Variants in OPCML observed in about 807,000 individuals in gnomAD.
OPCML encodes opioid binding protein/cell adhesion molecule like.
Under a neutral mutation model 37.8 loss-of-function variants are expected in OPCML, and 13 were observed. The ratio of observed to expected loss-of-function variants is 0.34; its 90% CI spans 0.22 to 0.55. The LOEUF (loss-of-function observed/expected upper bound fraction) is 0.55, where lower values mean the gene tolerates loss of function less well. OPCML is among the 20% of genes least tolerant of loss of function. OPCML has a pLI of 0.91. For missense variants in OPCML, 341 were observed against 435.6 expected (o/e 0.78, Z 1.93); for synonymous variants, 176 against 168.8 (o/e 1.04, Z -0.33).
chr11:132,446,618 A>G (rs2096056025), intron 4 of OPCML, among the ~76,000 whole-genome samples: 1 of 152,208 alleles, frequency 6.6e-6, no homozygotes. Context: ...GTTTAAGTAC[A>G]CTTGAAAAGT....
At chr11:133,119,276 C>T (rs1949384619) in intron 1 of OPCML, among the ~76,000 whole-genome samples, 1 of 152,066 alleles carries the variant, frequency 6.6e-6, no homozygotes, top group African/African-American at 2.4e-5. Flanking sequence ...GCCAAATTAT[C>T]TATATCACTT....
chr11:133,190,322 A>C (rs540940933), intron 1 of OPCML, among the ~76,000 whole-genome samples: 51 of 152,342 alleles, frequency 3.3e-4, no homozygotes, highest in African/African-American at 1.2e-3. Flanking sequence ...GGGACAAAAA[A>C]AGAGGAAGGG....
rs140831314 is a variant in OPCML at position 133,334,828 on chromosome 11, G to A, written c.61+197436C>T. On this transcript the variant is annotated intron_variant, in intron 1 of 7. Coordinates refer to ENST00000524381, the MANE Select transcript of OPCML (RefSeq NM_001012393.5). ...CAATCTTCTGGATCTCCATGGGAGAGGGTTTGTAGAGGCCATTGGCCAGTC... is the reference window on the plus strand; with the variant it reads ...CAATCTTCTGGATCTCCATGGGAGAAGGTTTGTAGAGGCCATTGGCCAGTC... Among the ~76,000 whole-genome samples, 523 of 152,222 alleles carry A rather than the reference G, an allele frequency of 3.4e-3. 3 individuals are homozygous for A. The highest frequency in any genetic ancestry group is 0.012 in the African/African-American group (497 of 41,526).
chr11:132,728,001 G>A (rs566128126), intron 2 of OPCML, among the ~76,000 whole-genome samples: 2 of 152,282 alleles, frequency 1.3e-5, no homozygotes, highest in East Asian at 1.9e-4. Flanking sequence ...TCCCTTCCAC[G>A]GCTAAGAGGG....
chr11:133,401,540 A>T (rs959571669), intron 1 of OPCML, among the ~76,000 whole-genome samples: 1 of 152,112 alleles, frequency 6.6e-6, no homozygotes, highest in Non-Finnish European at 1.5e-5. Flanking sequence ...TGGGTCTCAT[A>T]CCACATCTTC....
chr11:132,531,231 G>A (rs1591514321), intron 3 of OPCML, among the ~76,000 whole-genome samples: 1 of 152,148 alleles, frequency 6.6e-6, no homozygotes, highest in East Asian at 1.9e-4. Context: ...CCAAAACTAA[G>A]GGAGGTAAAG....
intron 1 of OPCML, chr11:133,026,487 A>C (rs889794407): frequency 1.0e-6 from 1 of 985,380 alleles, no homozygotes; most frequent in Non-Finnish European, 1.2e-6. Flanking sequence ...TCCTCCACGC[A>C]GTAGGTTTTG....
chr11:132,960,166 G>T (rs897132329), intron 1 of OPCML, among the ~76,000 whole-genome samples: 2 of 152,288 alleles, frequency 1.3e-5, no homozygotes, highest in South Asian at 2.1e-4. Context: ...AGCATATCCA[G>T]TTCTAAGGTA....
intron 1 of OPCML, among the ~76,000 whole-genome samples, chr11:132,990,760 T>C (rs1946759972): frequency 6.6e-6 from 1 of 152,248 alleles, no homozygotes; most frequent in African/African-American, 2.4e-5. Context: ...TTGTGTGACC[T>C]AGAGCAAGTA....
rs1941737570 is a variant in OPCML, at chr11:132,656,951, G to C, written c.379+136C>G. ...ACCCATTCGATGGGAAACATTCCAA[G>C]ACATATAGTCAAACTCTGAATTCAG... On this transcript the variant is annotated intron_variant, in intron 3 of 7. Coordinates refer to ENST00000524381, the MANE Select transcript of OPCML (RefSeq NM_001012393.5). 3.5e-6 allele frequency: 5 copies of C among 1,437,942 alleles called. No individual in the cohort carries two copies. The South Asian group carries it at 7.3e-5, about 21-fold the overall frequency. The allele number at this position is 1,437,942 out of a possible 1,614,324, so 89.1% of individuals were successfully genotyped here.
intron 2 of OPCML, among the ~76,000 whole-genome samples, chr11:132,813,538 A>AGGTTG (rs1419585472): frequency 6.6e-6 from 1 of 152,144 alleles, no homozygotes; most frequent in African/African-American, 2.4e-5. Context: ...TGCAGCAGCA[A>AGGTTG]CCTTCTCCTC....
chr11:132,937,215 C>A (rs911618847), intron 2 of OPCML, among the ~76,000 whole-genome samples: 2 of 152,098 alleles, frequency 1.3e-5, no homozygotes, highest in Non-Finnish European at 2.9e-5. Flanking sequence ...ACCGGCTCCC[C>A]AGCTCCCTCA....
intron 2 of OPCML, among the ~76,000 whole-genome samples, chr11:132,902,095 G>A (rs993939858): frequency 2.0e-5 from 3 of 152,258 alleles, no homozygotes; most frequent in Admixed American, 6.5e-5. Flanking sequence ...ATGAAAAACC[G>A]TCCAGTGGGA....
chr11:133,257,216 G>A (rs994145747), intron 1 of OPCML, among the ~76,000 whole-genome samples: 22 of 152,156 alleles, frequency 1.4e-4, no homozygotes, highest in East Asian at 3.8e-4. Flanking sequence ...TTTAGAATTC[G>A]TCTCAGTAAG....
chr11:132,752,583 C>T (rs576334790), intron 2 of OPCML, among the ~76,000 whole-genome samples: 1 of 152,022 alleles, frequency 6.6e-6, no homozygotes, highest in Admixed American at 6.6e-5. Context: ...AGAAGTTGAT[C>T]CTCTAGAGCC....
intron 1 of OPCML, among the ~76,000 whole-genome samples, chr11:133,508,921 G>A (rs778609062): frequency 2.6e-5 from 4 of 151,934 alleles, no homozygotes; most frequent in East Asian, 1.9e-4. Flanking sequence ...GCTTCCCAAC[G>A]TGCCACTCCT....
intron 1 of OPCML, among the ~76,000 whole-genome samples, chr11:133,093,186 C>T (rs1479485013): frequency 5.9e-5 from 9 of 151,828 alleles, no homozygotes; most frequent in African/African-American, 2.2e-4. Context: ...AGCAGTGTAC[C>T]CTGTACCCAA....
chr11:132,758,785 C>G (rs946375059), intron 2 of OPCML, among the ~76,000 whole-genome samples: 2 of 152,034 alleles, frequency 1.3e-5, no homozygotes, highest in South Asian at 2.1e-4. Context: ...ATTTGAATAC[C>G]CTTTATTTCT....
chr11:133,237,810 A>G (rs547216772), intron 1 of OPCML, among the ~76,000 whole-genome samples: 36 of 152,258 alleles, frequency 2.4e-4, no homozygotes, highest in African/African-American at 8.7e-4. Context: ...TACCAACCCC[A>G]CTGCCAAAGC....
Sources: gnomAD v4.1 joint callset for allele counts (sites outside exome capture counted in the v4.1 genomes callset) on GRCh38, gnomAD v4.1.1 for gene constraint, MANE v1.5 for transcripts, NCBI Gene and HGNC (gene_info 2026-07-23, HGNC 2026-07-21) for gene names.